Variants in PML observed in about 807,000 individuals in gnomAD.
The protein encoded by PML is PML nuclear body scaffold.
In PML, 28 loss-of-function variants were observed where a neutral mutation model predicts 65.2. The observed-to-expected ratio is 0.43, with a 90% CI of 0.32 to 0.59. The LOEUF is 0.59. Ranked by LOEUF, PML falls within the 20% of genes least tolerant of loss-of-function variation. PML has a pLI of 0.08. For missense variants in PML, 1,021 were observed against 1,203.4 expected, an observed-to-expected ratio of 0.85 and a Z score of 2.24; for synonymous variants, 500 against 508.8, an observed-to-expected ratio of 0.98 and a Z score of 0.23.
intron 2 of PML, among the ~76,000 whole-genome samples, chr15:74,003,444 G>T: frequency 6.6e-6 from 1 of 151,978 alleles, no homozygotes; most frequent in Non-Finnish European, 1.5e-5. Context: ...GAAAAAAAAA[G>T]TGTATACACA....
intron 2 of PML, among the ~76,000 whole-genome samples, chr15:74,004,336 C>G (rs918838878): frequency 6.6e-6 from 1 of 152,146 alleles, no homozygotes; most frequent in African/African-American, 2.4e-5. Context: ...AGTTCTTGCT[C>G]TGTTGCCCAG....
At chr15:74,044,107 G>C in intron 8 of PML, 114 bp from the exon 9 acceptor site, 1 of 990,290 alleles carries the variant, frequency 1.0e-6, no homozygotes, top group East Asian at 2.4e-5. Context: ...ACTGCCAGCA[G>C]ACCCCAAGGT....
In PML at chr15:74,046,907, G is replaced by A. The variant is rs1045119117; in HGVS notation, c.*1899G>A. ...CCAGCACAACTGTGTTTTGTGGGGC[G>A]TCTTTTAGGACTTAGCAGAGCTGAG... On this transcript the variant is annotated 3_prime_UTR_variant, in exon 9 of 9. Coordinates refer to ENST00000268058, the MANE Select transcript of PML (RefSeq NM_033238.3). 5.2e-5 allele frequency: 12 copies of A among 230,332 alleles called. No individual in the cohort carries two copies. Among genetic ancestry groups the A allele is most frequent in the Admixed American group, 1.1e-4 (2 of 17,700 alleles). The allele number at this position is 230,332 out of a possible 1,614,324, so 14.3% of individuals were successfully genotyped here.
chr15:74,035,520 T>A lies in PML; in HGVS notation c.1710+990T>A. The A allele has an allele frequency of 6.2e-7, 1 of 1,611,154 alleles. No individual in the cohort carries two copies. ...GCATCGGGCCCCTATTCGGACTTGG[T>A]CTCCCCATGTGGTCCAAGCCAGCAC... On this transcript the variant is annotated intron_variant, in intron 7 of 8. Transcript: ENST00000268058. The surrounding 1 kb of genome is among the most constrained non-coding windows in gnomAD (Gnocchi z 4.1).
At position 74,037,940 on chromosome 15, in the gene PML, G is replaced by A. The variant is rs189705070; in HGVS notation, c.1710+3410G>A. ...TGGCCAGTGACCTTCCAACAGCTCC[G>A]CATGGATGCCCATAGGTACCTCAAA... On this transcript the variant is annotated intron_variant, in intron 7 of 8. Coordinates refer to ENST00000268058, the MANE Select transcript of PML (RefSeq NM_033238.3). The surrounding 1 kb of genome is among the most constrained non-coding windows in gnomAD (Gnocchi z 4.2). 1.1e-4 allele frequency among the ~76,000 whole-genome samples: 16 copies of A among 152,174 alleles called. No individual in the cohort carries two copies. Among genetic ancestry groups the A allele is most frequent in the Admixed American group, 2.0e-4 (3 of 15,298 alleles).
At chr15:74,012,474 A>AT (rs1352383855) in intron 2 of PML, among the ~76,000 whole-genome samples, 1 of 149,032 alleles carries the variant, frequency 6.7e-6, no homozygotes, top group Non-Finnish European at 1.5e-5. Flanking sequence ...GTGCCTGGCC[A>AT]TTTTTTTGTA....
In PML at chr15:74,044,638, C is replaced by A; in HGVS notation, c.2279C>A (p.Ser760Tyr). The stretch of plus-strand genomic sequence containing the variant: ...GACCTGTGCCGCCTCCTCGAGGTCT[C>A]CCCGGGCCCCCAGCTGGCCCAGCAT... ...MRDLCRLLEVSPGPQLAQHVY... is the reference protein window; with the variant it reads ...MRDLCRLLEVYPGPQLAQHVY... The change falls in exon 9 of 9, where the codon TCC becomes TAC. Residue 760 changes from serine (S) to tyrosine (Y), a missense_variant. Ser to Tyr is a moderately radical substitution (Grantham distance 144, BLOSUM62 -2). Coordinates refer to ENST00000268058, the MANE Select transcript of PML (RefSeq NM_033238.3). 1 of 1,605,620 alleles carries A rather than the reference C, an allele frequency of 6.2e-7. No individual in the cohort carries two copies. The highest frequency in any genetic ancestry group is 1.1e-5 in the South Asian group (1 of 91,078).
At chr15:74,036,520 T>G in intron 7 of PML, 1 of 1,042,878 alleles carries the variant, frequency 9.6e-7, no homozygotes, top group Non-Finnish European at 1.2e-6. Context: ...CCCCTCTTCC[T>G]CCCACACTCA....
At chr15:74,002,328 T>TTGC in intron 2 of PML, among the ~76,000 whole-genome samples, 1 of 151,722 alleles carries the variant, frequency 6.6e-6, no homozygotes, top group Admixed American at 6.6e-5. Context: ...GTATATAATA[T>TTGC]ATATGTGTAT....
chr15:74,012,712 G>T (rs1334221623), intron 2 of PML, among the ~76,000 whole-genome samples: 2 of 152,152 alleles, frequency 1.3e-5, no homozygotes, highest in Non-Finnish European at 2.9e-5. Context: ...TCTAGTTTTG[G>T]TTCCATGTCA....
intron 4 of PML, 128 bp from the exon 5 acceptor site, chr15:74,032,444 C>T (rs1353575769): frequency 1.0e-6 from 1 of 972,530 alleles, no homozygotes; most frequent in Non-Finnish European, 1.6e-6. Flanking sequence ...GAGCTCGGAG[C>T]TTTGAGTCAG....
chr15:74,012,180 C>T (rs558107590), intron 2 of PML, among the ~76,000 whole-genome samples: 2 of 152,186 alleles, frequency 1.3e-5, no homozygotes, highest in Middle Eastern at 3.4e-3. Context: ...GAGGTTGGAG[C>T]CATTTTGTTT....
In PML at chr15:74,035,499, C is replaced by T. The variant is rs761137155; in HGVS notation, c.1710+969C>T. On this transcript the variant is annotated intron_variant, in intron 7 of 8. Transcript: ENST00000268058. The surrounding 1 kb of genome is among the most constrained non-coding windows in gnomAD (Gnocchi z 4.1). ...CCTCCGCTTGCACCCTCAATTGCAT[C>T]GGGCCCCTATTCGGACTTGGTCTCC... 3.7e-6 allele frequency: 6 copies of T among 1,612,018 alleles called. No homozygotes were observed. The highest frequency in any genetic ancestry group is 1.7e-5 in the Admixed American group (1 of 59,998).
chr15:74,042,668 T>C lies in PML; in HGVS notation c.1711-321T>C. On this transcript the variant is annotated intron_variant, in intron 7 of 8. Coordinates refer to ENST00000268058, the MANE Select transcript of PML (RefSeq NM_033238.3). This position sits in a 1 kb window ranked among gnomAD's most constrained non-coding sequence, Gnocchi z 5.3. The stretch of plus-strand genomic sequence containing the variant: ...GTCAACGCAGGTTCACAGCTCACAC[T>C]TAACTGTGCATGCACACACAGATTT... 1 of 985,336 alleles carries C rather than the reference T, an allele frequency of 1.0e-6. No individual in the cohort carries two copies. The highest frequency in any genetic ancestry group is 4.7e-5 in the South Asian group (1 of 21,286). The allele number at this position is 985,336 out of a possible 1,614,324, so 61.0% of individuals were successfully genotyped here. A position where few individuals can be genotyped will look rare whatever the true frequency, so the allele number is the denominator to read the frequency against.
At chr15:74,023,475 A>T in intron 3 of PML, 67 bp downstream of exon 3, 1 of 1,251,522 alleles carries the variant, frequency 8.0e-7, no homozygotes. Context: ...GGCGAGTCAG[A>T]AGAGATCATC....
In PML at chr15:74,043,287, A is replaced by T; in HGVS notation, c.1861+148A>T. ...CAGGCTGGGCAGAGCACTCCGGCTC[A>T]CCTGGGCTCCTGGCGTGTCATTTGC... On this transcript the variant is annotated intron_variant, in intron 8 of 8. Coordinates refer to ENST00000268058, the MANE Select transcript of PML (RefSeq NM_033238.3). The surrounding 1 kb of genome is among the most constrained non-coding windows in gnomAD (Gnocchi z 4.3). The T allele has an allele frequency of 6.5e-7, 1 of 1,531,774 alleles. No homozygotes were observed. Among genetic ancestry groups the T allele is most frequent in the Non-Finnish European group, 8.7e-7 (1 of 1,144,082 alleles). 94.9% of individuals were successfully genotyped at this position (1,531,774 alleles called of 1,614,324 possible).
chr15:74,011,178 A>G (rs2070317060), intron 2 of PML, among the ~76,000 whole-genome samples: 1 of 152,154 alleles, frequency 6.6e-6, no homozygotes, highest in African/African-American at 2.4e-5. Context: ...CAGAGGTTAC[A>G]CCCTCAGCCC....
intron 2 of PML, among the ~76,000 whole-genome samples, chr15:73,999,401 A>G (rs1361150666): frequency 6.6e-6 from 1 of 152,196 alleles, no homozygotes; most frequent in Admixed American, 6.5e-5. Context: ...GCTAAACCAC[A>G]TATTTGCTGA....
rs545355141 is a variant in PML, at chr15:74,012,887, A to G, written c.603-9941A>G. On this transcript the variant is annotated intron_variant, in intron 2 of 8. Coordinates refer to ENST00000268058, the MANE Select transcript of PML (RefSeq NM_033238.3). Reference sequence around the variant, plus strand: ...ATTCCTTGAGTCTCTTGGTGTTGAGAATGTCTTTGGGTTACTCTGATACTT... The same window carrying G: ...ATTCCTTGAGTCTCTTGGTGTTGAGGATGTCTTTGGGTTACTCTGATACTT... Among the ~76,000 whole-genome samples the G allele has an allele frequency of 2.6e-5, 4 of 152,132 alleles. No homozygotes were observed. In the South Asian group the frequency reaches 8.3e-4, roughly 32 times the overall value.
Sources: allele counts gnomAD v4.1 joint callset (sites outside exome capture counted in the v4.1 genomes callset), GRCh38; gene constraint gnomAD v4.1.1; non-coding constraint Gnocchi (gnomAD v3.1); transcripts MANE v1.5; gene names NCBI Gene and HGNC (gene_info 2026-07-23, HGNC 2026-07-21).